CD151: variants seen among roughly 807,000 people sequenced by gnomAD.
CD151 encodes CD151 antigen.
CD151 carries 20 observed loss-of-function variants against 34.2 expected under a neutral mutation model. That is an observed-to-expected ratio of 0.58 (90% confidence interval 0.41 to 0.85). The LOEUF is 0.85. Among genes scored for constraint, CD151 ranks in the 40% least tolerant of loss-of-function variants. CD151 has a pLI of 0.00. For missense variants in CD151, 306 were observed against 324.5 expected (o/e 0.94, Z 0.44); for synonymous variants, 157 against 131.7 (o/e 1.19, Z -1.32).
rs1846865211 is a variant in CD151 at position 838,455 on chromosome 11, G to C, written c.*263G>C. On this transcript the variant is annotated 3_prime_UTR_variant, in exon 9 of 9. Coordinates refer to ENST00000397420, the MANE Select transcript of CD151 (RefSeq NM_004357.5). ...CTGCCTGGTGGTCAGATGCAGGTTG[G>C]AAGGGGCCTTGCTGAGTGGCGCAAG... 1.7e-6 allele frequency: 1 copy of C among 584,850 alleles called. No homozygotes were observed. Among genetic ancestry groups the C allele is most frequent in the African/African-American group, 1.9e-5 (1 of 53,554 alleles). 36.2% of individuals were successfully genotyped at this position (584,850 alleles called of 1,614,324 possible).
Position 837,301 on chromosome 11 carries a change from C to T in CD151, c.403C>T (p.His135Tyr). Residue 135 changes from histidine (H) to tyrosine (Y), a missense_variant, in exon 6 of 9, where the codon CAC becomes TAC. Coordinates refer to ENST00000397420, the MANE Select transcript of CD151 (RefSeq NM_004357.5). ...GAAGGACACCATGACCAAGCGCTAC[C>T]ACCAGCCGGGCCATGAGGCTGTGAC... ...NLKDTMTKRY[H>Y]QPGHEAVTSA... 1.2e-6 allele frequency: 2 copies of T among 1,613,042 alleles called. No individual in the cohort carries two copies. The highest frequency in any genetic ancestry group is 1.7e-6 in the Non-Finnish European group (2 of 1,179,972).
At chr11:835,775 C>T in intron 2 of CD151, 1 of 355,532 alleles carries the variant, frequency 2.8e-6, no homozygotes, top group South Asian at 3.1e-5. Flanking sequence ...GCAAGCTTCG[C>T]CTCCCGGGTT....
chr11:833,765 G>A (rs1280186521), intron 1 of CD151, among the ~76,000 whole-genome samples: 1 of 79,190 alleles, frequency 1.3e-5, no homozygotes, highest in Non-Finnish European at 2.8e-5. Context: ...AGCCAGGCCA[G>A]GGGCAGGTCC....
chr11:836,988 T>C, intron 5 of CD151, 145 bp downstream of exon 5: 1 of 745,732 alleles, frequency 1.3e-6, no homozygotes, highest in South Asian at 1.6e-5. Flanking sequence ...GGAGATGGGG[T>C]CTAGGTCTCT....
Position 838,308 on chromosome 11 carries a change from C to T in CD151, c.*116C>T, listed in dbSNP as rs1252499586. On this transcript the variant is annotated 3_prime_UTR_variant, in exon 9 of 9. Transcript: ENST00000397420. The stretch of plus-strand genomic sequence containing the variant: ...GTGCCATCACCATAACCTCTGGGGA[C>T]CCCAACCTCAGAGGCAGCTTCAAGT... 2.4e-6 allele frequency: 2 copies of T among 843,298 alleles called. No individual in the cohort carries two copies. Among genetic ancestry groups the T allele is most frequent in the African/African-American group, 3.4e-5 (2 of 59,636 alleles). The allele number at this position is 843,298 out of a possible 1,614,324, so 52.2% of individuals were successfully genotyped here.
intron 4 of CD151, 104 bp downstream of exon 4, chr11:836,546 G>T: frequency 1.3e-5 from 12 of 936,156 alleles, no homozygotes; most frequent in East Asian, 2.6e-5. Context: ...ACCTGGGGGG[G>T]GGGTCACGGT....
chr11:836,370 C>G lies in CD151; in HGVS notation c.204C>G (p.Gly68=), dbSNP rs752707203. The G allele has an allele frequency of 1.2e-6, 2 of 1,612,354 alleles. No individual in the cohort carries two copies. Among genetic ancestry groups the G allele is most frequent in the African/African-American group, 2.7e-5 (2 of 74,940 alleles). The change falls in exon 4 of 9, where the codon GGC becomes GGG. Residue 68 remains glycine, a synonymous_variant. Transcript: ENST00000397420. The stretch of plus-strand genomic sequence containing the variant: ...CAGCCTACATCCTGGTGGTGGCGGG[C>G]ACTGTCGTCATGGTGACTGGGGTCT... The part of the protein sequence containing the change: ...LATAYILVVA[G]TVVMVTGVLG...
chr11:836,173 C>CGGG lies in CD151; in HGVS notation c.84+20_84+21insGGG. ...TTCTGGGTGAGGAGGGGTCGCCTTGCCCCCACCCCCACCCCCACCCCTCCC... is the reference window on the plus strand; with the variant it reads ...TTCTGGGTGAGGAGGGGTCGCCTTGCGGGCCCCACCCCCACCCCCACCCCTCCC... On this transcript the variant is annotated intron_variant, in intron 3 of 8. Coordinates refer to ENST00000397420, the MANE Select transcript of CD151 (RefSeq NM_004357.5). The CGGG allele has an allele frequency of 1.9e-6, 2 of 1,028,370 alleles. No homozygotes were observed. The highest frequency in any genetic ancestry group is 3.0e-6 in the Non-Finnish European group (2 of 670,004). 63.7% of individuals were successfully genotyped at this position (1,028,370 alleles called of 1,614,324 possible).
Position 837,118 on chromosome 11 carries a change from G to A in CD151, c.352-132G>A, listed in dbSNP as rs1431994869. The A allele has an allele frequency of 3.3e-5, 25 of 751,764 alleles. 1 individual carries two copies. The East Asian group carries it at 6.6e-4, about 20-fold the overall frequency. The allele number at this position is 751,764 out of a possible 1,614,324, so 46.6% of individuals were successfully genotyped here. A position where few individuals can be genotyped will look rare whatever the true frequency, so the allele number is the denominator to read the frequency against. On this transcript the variant is annotated intron_variant, in intron 5 of 8. Transcript: ENST00000397420. ...ACCACCCAACCTCCCCTCATGCCGAGGTGTGACCTCAGCCCTTCCCTGTGG... is the reference window on the plus strand; with the variant it reads ...ACCACCCAACCTCCCCTCATGCCGAAGTGTGACCTCAGCCCTTCCCTGTGG...
chr11:836,942 A>G (rs1590210176), intron 5 of CD151, 99 bp downstream of exon 5: 6 of 1,027,176 alleles, frequency 5.8e-6, no homozygotes, highest in Admixed American at 1.9e-5. Context: ...CCCCACCCCC[A>G]TGGTCCCAGA....
At chr11:837,391 A>G (rs1327805383) in intron 6 of CD151, 37 bp downstream of exon 6, 1 of 1,609,504 alleles carries the variant, frequency 6.2e-7, no homozygotes, top group African/African-American at 1.3e-5. Context: ...GTGCATCCCC[A>G]GGGCCTCCCT....
rs1590210552 is a variant in CD151, at chr11:837,360, T to C, written c.456+6T>C. The C allele has an allele frequency of 6.2e-7, 1 of 1,611,384 alleles. No homozygotes were observed. The highest frequency in any genetic ancestry group is 8.5e-7 in the Non-Finnish European group (1 of 1,179,042). The stretch of plus-strand genomic sequence containing the variant: ...TGGACCAGCTGCAGCAGGAGGTGGG[T>C]GGGTGGTGCTGGGAGGGCGCGTGCA... On this transcript the variant is annotated splice_donor_region_variant and intron_variant, in intron 6 of 8. Transcript: ENST00000397420.
intron 6 of CD151, 22 bp from the exon 7 acceptor site, chr11:837,438 C>A: frequency 6.2e-7 from 1 of 1,612,310 alleles, no homozygotes; most frequent in East Asian, 2.2e-5. Context: ...AGGTCTCAAC[C>A]CCAGCCTTGT....
Position 836,438 on chromosome 11 carries a change from G to T in CD151, c.272G>T (p.Arg91Leu). ...ATFKERRNLL[R>L]LYFILLLIIF... ...TTCAAGGAGCGTCGGAACCTGCTGC[G>T]CCTGGTCAGGAGGGCGCAGGGCCAC... The change falls in exon 4 of 9, where the codon CGC (arginine) becomes CTC (leucine). Residue 91 changes from arginine to leucine, a missense_variant. Coordinates refer to ENST00000397420, the MANE Select transcript of CD151 (RefSeq NM_004357.5). 2.5e-6 allele frequency: 4 copies of T among 1,605,938 alleles called. No homozygotes were observed. The highest frequency in any genetic ancestry group is 2.5e-6 in the Non-Finnish European group (3 of 1,178,000).
chr11:837,687 G>C, intron 7 of CD151, 69 bp downstream of exon 7: 2 of 1,488,632 alleles, frequency 1.3e-6, no homozygotes, highest in Non-Finnish European at 1.9e-6. Context: ...GTGACTGGCT[G>C]TGGGCAGTGG....
chr11:837,375 G>A (rs747486724), intron 6 of CD151, 21 bp downstream of exon 6: 21 of 1,609,264 alleles, frequency 1.3e-5, no homozygotes, highest in Non-Finnish European at 1.6e-5. Context: ...GGTGCTGGGA[G>A]GGCGCGTGCA....
At chr11:836,486 G>C (rs773994585) in intron 4 of CD151, 44 bp downstream of exon 4, 41 of 1,423,240 alleles carry the variant, frequency 2.9e-5, no homozygotes, top group Non-Finnish European at 3.9e-5. Flanking sequence ...GTGCAGATGG[G>C]CCCAAGGAGG....
chr11:837,270 G>C lies in CD151; in HGVS notation c.372G>C (p.Glu124Asp). 1 of 1,613,086 alleles carries C rather than the reference G, an allele frequency of 6.2e-7. No homozygotes were observed. Among genetic ancestry groups the C allele is most frequent in the Non-Finnish European group, 8.5e-7 (1 of 1,179,906 alleles). ...YYQQLNTELK[E>D]NLKDTMTKRY... Reference sequence around the variant, plus strand: ...CCCAGCTGAACACGGAGCTCAAGGAGAACCTGAAGGACACCATGACCAAGC... The same window carrying C: ...CCCAGCTGAACACGGAGCTCAAGGACAACCTGAAGGACACCATGACCAAGC... The change falls in exon 6 of 9, where the codon GAG becomes GAC. Residue 124 changes from glutamate (E) to aspartate (D), a missense_variant. Physicochemically the swap from Glu to Asp is conservative, Grantham distance 45 (BLOSUM62 2). Transcript: ENST00000397420.
chr11:837,419 T>C, intron 6 of CD151, 41 bp from the exon 7 acceptor site: 1 of 1,611,480 alleles, frequency 6.2e-7, no homozygotes, highest in Non-Finnish European at 8.5e-7. Flanking sequence ...TGCAGGAGCC[T>C]CTGGCCCCAG....
Sources: gnomAD v4.1 joint callset for allele counts (sites outside exome capture counted in the v4.1 genomes callset) on GRCh38, gnomAD v4.1.1 for gene constraint, MANE v1.5 for transcripts, NCBI Gene and HGNC (gene_info 2026-07-23, HGNC 2026-07-21) for gene names.